SPOCK3: variants seen among roughly 807,000 people sequenced by gnomAD.
SPOCK3 encodes testican-3.
In SPOCK3, 30 loss-of-function variants were observed where a neutral mutation model predicts 56.6. That is an observed-to-expected ratio of 0.53 (90% CI 0.40 to 0.72). SPOCK3 has a LOEUF of 0.72. SPOCK3 is among the 30% of genes least tolerant of loss of function. SPOCK3 has a pLI of 0.00. For synonymous variants in SPOCK3, 196 were observed against 183.3 expected (o/e 1.07, Z -0.56); for missense variants, 527 against 530.0 (o/e 0.99, Z 0.06).
At chr4:167,076,019 G>A (rs1423493563) in intron 2 of SPOCK3, among the ~76,000 whole-genome samples, 2 of 151,900 alleles carry the variant, frequency 1.3e-5, no homozygotes, top group African/African-American at 2.4e-5. Flanking sequence ...ATATTTTAAT[G>A]TCATATTACT....
intron 4 of SPOCK3, among the ~76,000 whole-genome samples, chr4:166,965,962 G>A (rs548099882): frequency 1.3e-5 from 2 of 152,182 alleles, no homozygotes; most frequent in Admixed American, 6.5e-5. Context: ...ACAAAGAATA[G>A]TTTCAATTCT....
At chr4:167,232,340 GATTTT>G (rs920787069) in intron 2 of SPOCK3, among the ~76,000 whole-genome samples, 15 of 131,668 alleles carry the variant, frequency 1.1e-4, no homozygotes, top group South Asian at 2.5e-4. Context: ...TTGTGTAGTT[GATTTT>G]ATTAAAAAAA....
chr4:167,009,197 A>G (rs1274513945), intron 3 of SPOCK3, among the ~76,000 whole-genome samples: 1 of 152,134 alleles, frequency 6.6e-6, no homozygotes, highest in Non-Finnish European at 1.5e-5. Context: ...TTAAAAAAAT[A>G]CTAAACCATA....
chr4:166,792,113 T>G, intron 7 of SPOCK3, 57 bp downstream of exon 7: 1 of 1,601,336 alleles, frequency 6.2e-7, no homozygotes, highest in Non-Finnish European at 8.6e-7. Flanking sequence ...AAGTGGTTCA[T>G]TGGAAATAAA....
At chr4:167,085,201 T>C (rs1265008718) in intron 2 of SPOCK3, among the ~76,000 whole-genome samples, 2 of 151,612 alleles carry the variant, frequency 1.3e-5, no homozygotes, top group African/African-American at 4.8e-5. Context: ...CAAATGTCCT[T>C]TGAGGAATGA....
At chr4:167,137,387 A>C (rs1463431822) in intron 2 of SPOCK3, among the ~76,000 whole-genome samples, 2 of 152,044 alleles carry the variant, frequency 1.3e-5, no homozygotes, top group Non-Finnish European at 2.9e-5. Context: ...GTGTGGTTAC[A>C]TTTCAAACTT....
Position 166,884,366 on chromosome 4 carries a change from A to C in SPOCK3, c.589+4764T>G, listed in dbSNP as rs77811949. Among the ~76,000 whole-genome samples the C allele has an allele frequency of 6.4e-3, 968 of 151,664 alleles. 10 individuals carry two copies. The highest frequency in any genetic ancestry group is 0.021 in the African/African-American group (890 of 41,414). On this transcript the variant is annotated intron_variant, in intron 6 of 10. Coordinates refer to ENST00000357545, the MANE Select transcript of SPOCK3 (RefSeq NM_001040159.2). The stretch of plus-strand genomic sequence containing the variant: ...GACTCCATCTCAACAACAACAACAA[A>C]AAAAAAAATGAAAAAAAAAATGACC...
rs762043073 is a variant in SPOCK3 at position 166,734,903 on chromosome 4, G to T, written c.*18C>A. ...AAATATTAGAAATGTAGAATTTATT[G>T]ATTTCAACTGTCATCAATCAAATGT... is the stretch of plus-strand genomic sequence containing the variant. On this transcript the variant is annotated 3_prime_UTR_variant, in exon 11 of 11. Coordinates refer to ENST00000357545, the MANE Select transcript of SPOCK3 (RefSeq NM_001040159.2). 3 of 1,482,332 alleles carry T rather than the reference G, an allele frequency of 2.0e-6. No individual in the cohort carries two copies. The highest frequency in any genetic ancestry group is 2.6e-5 in the South Asian group (2 of 75,550). The allele number at this position is 1,482,332 out of a possible 1,614,324, so 91.8% of individuals were successfully genotyped here.
intron 6 of SPOCK3, among the ~76,000 whole-genome samples, chr4:166,817,619 C>T (rs1467848239): frequency 6.6e-6 from 1 of 151,956 alleles, no homozygotes; most frequent in Non-Finnish European, 1.5e-5. Flanking sequence ...ACTTCCTCAT[C>T]CTGAGTCCAG....
At chr4:166,907,636 G>T (rs576477158) in intron 5 of SPOCK3, among the ~76,000 whole-genome samples, 2 of 152,078 alleles carry the variant, frequency 1.3e-5, no homozygotes, top group Non-Finnish European at 2.9e-5. Context: ...GTAAGGAGAG[G>T]AAGGCTTTTC....
At chr4:166,848,161 A>G (rs2126860965) in intron 6 of SPOCK3, among the ~76,000 whole-genome samples, 1 of 152,324 alleles carries the variant, frequency 6.6e-6, no homozygotes, top group Admixed American at 6.5e-5. Flanking sequence ...TTCAGTATTT[A>G]CTTGCATTAA....
intron 2 of SPOCK3, among the ~76,000 whole-genome samples, chr4:167,125,322 C>G (rs1447391189): frequency 1.3e-5 from 2 of 149,540 alleles, no homozygotes; most frequent in South Asian, 2.1e-4. Context: ...ACTCTGTAAA[C>G]GTTTATTGAA....
intron 2 of SPOCK3, among the ~76,000 whole-genome samples, chr4:167,128,982 G>A (rs1257540389): frequency 1.3e-5 from 2 of 152,128 alleles, no homozygotes; most frequent in African/African-American, 4.8e-5. Flanking sequence ...GATGAGAAAT[G>A]ACCCTGAGAG....
chr4:166,796,402 C>T (rs940515842), intron 6 of SPOCK3, among the ~76,000 whole-genome samples: 24 of 152,062 alleles, frequency 1.6e-4, no homozygotes, highest in Admixed American at 5.9e-4. Flanking sequence ...AGGCAGAGTC[C>T]GCATTTTATT....
At chr4:166,930,768 T>C (rs1365296517) in intron 4 of SPOCK3, among the ~76,000 whole-genome samples, 1 of 152,192 alleles carries the variant, frequency 6.6e-6, no homozygotes, top group African/African-American at 2.4e-5. Flanking sequence ...ATGAGATCAA[T>C]TTATTTTTGT....
intron 4 of SPOCK3, among the ~76,000 whole-genome samples, chr4:166,998,071 G>A (rs1018521883): frequency 4.6e-5 from 7 of 151,996 alleles, no homozygotes; most frequent in South Asian, 2.1e-4. Context: ...TTCCCTAAGC[G>A]TTGTATAAAT....
At chr4:167,092,649 A>G (rs1758803154) in intron 2 of SPOCK3, among the ~76,000 whole-genome samples, 1 of 152,178 alleles carries the variant, frequency 6.6e-6, no homozygotes, top group South Asian at 2.1e-4. Flanking sequence ...TGTCTTGATC[A>G]GTAATTTGTA....
intron 2 of SPOCK3, among the ~76,000 whole-genome samples, chr4:167,102,182 A>G (rs928663439): frequency 6.6e-6 from 1 of 152,126 alleles, no homozygotes; most frequent in African/African-American, 2.4e-5. Flanking sequence ...TCAGGTAACA[A>G]GATAGATTAC....
At chr4:167,162,851 ATTAAG>A (rs1340236576) in intron 2 of SPOCK3, among the ~76,000 whole-genome samples, 2 of 152,042 alleles carry the variant, frequency 1.3e-5, no homozygotes, top group Non-Finnish European at 2.9e-5. Context: ...ATCATACTAA[ATTAAG>A]TTTAGTATGC....
Sources: gnomAD v4.1 joint callset for allele counts (sites outside exome capture counted in the v4.1 genomes callset) on GRCh38, gnomAD v4.1.1 for gene constraint, MANE v1.5 for transcripts, NCBI Gene and HGNC (gene_info 2026-07-23, HGNC 2026-07-21) for gene names.